The following BTF3L4 variants were observed in gnomAD, a reference collection of about 807,000 sequenced individuals.
BTF3L4 encodes transcription factor BTF3 homolog 4.
In BTF3L4, 6 loss-of-function variants were observed where a neutral mutation model predicts 16.8. The observed-to-expected ratio is 0.36, with a 90% CI of 0.20 to 0.71. The LOEUF (loss-of-function observed/expected upper bound fraction) is 0.71, where lower values mean the gene tolerates loss of function less well. BTF3L4 is among the 30% of genes least tolerant of loss of function. BTF3L4 has a pLI of 0.58. For synonymous variants in BTF3L4, 39 were observed against 59.8 expected (o/e 0.65, Z 1.60); for missense variants, 92 against 186.9 (o/e 0.49, Z 2.96).
chr1:52,086,650 C>G, intron 5 of BTF3L4, 62 bp from the exon 6 acceptor site: 1 of 1,050,280 alleles, frequency 9.5e-7, no homozygotes, highest in Non-Finnish European at 1.4e-6. Flanking sequence ...GTTAGGAGTT[C>G]CATTTACCTC....
At chr1:52,066,771 A>G (rs968029094) in intron 3 of BTF3L4, among the ~76,000 whole-genome samples, 25 of 151,726 alleles carry the variant, frequency 1.6e-4, no homozygotes, top group Non-Finnish European at 1.5e-5. Context: ...GAGTGAACCC[A>G]GGATGGGGAG....
chr1:52,064,433 T>TATCTTTAGA (rs1686594872), intron 2 of BTF3L4, among the ~76,000 whole-genome samples: 1 of 152,208 alleles, frequency 6.6e-6, no homozygotes, highest in African/African-American at 2.4e-5. Flanking sequence ...AATTTCAGAA[T>TATCTTTAGA]ATCTTTAGAC....
chr1:52,060,040 GT>G, intron 2 of BTF3L4, 139 bp downstream of exon 2: 2 of 778,408 alleles, frequency 2.6e-6, no homozygotes, highest in Admixed American at 3.2e-5. Context: ...AAAATAACTT[GT>G]CTAGATCTAA....
At chr1:52,076,028 A>G (rs529908849) in intron 3 of BTF3L4, among the ~76,000 whole-genome samples, 2 of 152,322 alleles carry the variant, frequency 1.3e-5, no homozygotes, top group East Asian at 1.9e-4. Context: ...AGAACTCTTC[A>G]TGCATTTTGT....
intron 3 of BTF3L4, among the ~76,000 whole-genome samples, chr1:52,073,497 C>CT (rs1686849712): frequency 8.5e-6 from 1 of 117,072 alleles, no homozygotes; most frequent in East Asian, 2.5e-4. Flanking sequence ...GCTACATACA[C>CT]ACACACACAC....
Position 52,064,912 on chromosome 1 carries a change from G to A in BTF3L4, c.142G>A (p.Val48Met), listed in dbSNP as rs1289762111. ...KLQSSLKKLAVNNIAGIEEVN... is the reference protein window; with the variant it reads ...KLQSSLKKLAMNNIAGIEEVN... Reference sequence around the variant, plus strand: ...TCAGAGTTCTCTAAAAAAACTGGCTGTGAATAATATAGCTGGTATTGAAGA... The same window carrying A: ...TCAGAGTTCTCTAAAAAAACTGGCTATGAATAATATAGCTGGTATTGAAGA... Residue 48 changes from valine to methionine, a missense_variant, in exon 3 of 6, where the codon GTG (valine) becomes ATG (methionine). Transcript: ENST00000313334. The A allele has an allele frequency of 3.7e-6, 6 of 1,612,218 alleles. No homozygotes were observed. In the Admixed American group the frequency reaches 1.0e-4, roughly 27 times the overall value.
intron 3 of BTF3L4, among the ~76,000 whole-genome samples, chr1:52,066,642 G>C (rs571457252): frequency 6.6e-6 from 1 of 151,104 alleles, no homozygotes; most frequent in African/African-American, 2.4e-5. Context: ...AGGGGATCGA[G>C]ACCATCCTGG....
At chr1:52,086,555 G>T in intron 5 of BTF3L4, 157 bp from the exon 6 acceptor site, 1 of 535,878 alleles carries the variant, frequency 1.9e-6, no homozygotes. Context: ...ATCATTGTTA[G>T]TAAAATGCCA....
At chr1:52,071,495 G>A (rs1558007041) in intron 3 of BTF3L4, among the ~76,000 whole-genome samples, 1 of 152,182 alleles carries the variant, frequency 6.6e-6, no homozygotes, top group South Asian at 2.1e-4. Context: ...ATGTTTATTC[G>A]TTGTTTCTAG....
chr1:52,064,775 C>A, intron 2 of BTF3L4, 50 bp from the exon 3 acceptor site: 1 of 1,133,264 alleles, frequency 8.8e-7, no homozygotes, highest in Non-Finnish European at 1.3e-6. Context: ...ATTGCAGTTG[C>A]CAGATGCCAG....
In BTF3L4 at chr1:52,090,416, C is replaced by A. The variant is rs1572036187; in HGVS notation, c.*3658C>A. 2 of 152,170 alleles carry A rather than the reference C, an allele frequency of 1.3e-5. No individual in the cohort carries two copies. The highest frequency in any genetic ancestry group is 2.9e-5 in the Non-Finnish European group (2 of 68,046). 9.4% of individuals were successfully genotyped at this position (152,170 alleles called of 1,614,324 possible). A position where few individuals can be genotyped will look rare whatever the true frequency, so the allele number is the denominator to read the frequency against. ...ATTTCAACCTGTGTTGAACAACACT[C>A]CAGTTCAGCCTGTATTGCTATGCCA... is the stretch of plus-strand genomic sequence containing the variant. On this transcript the variant is annotated 3_prime_UTR_variant, in exon 6 of 6. Coordinates refer to ENST00000313334, the MANE Select transcript of BTF3L4 (RefSeq NM_152265.5).
At chr1:52,083,633 C>A in intron 4 of BTF3L4, 92 bp downstream of exon 4, 2 of 1,000,664 alleles carry the variant, frequency 2.0e-6, no homozygotes, top group Non-Finnish European at 3.0e-6. Flanking sequence ...TTGGATTTGC[C>A]TGTATGTAAT....
chr1:52,066,506 C>A (rs1473381815), intron 3 of BTF3L4, among the ~76,000 whole-genome samples: 1 of 148,228 alleles, frequency 6.7e-6, no homozygotes, highest in East Asian at 2.2e-4. Flanking sequence ...CCAGCCAGTT[C>A]CATCTGTGAT....
In BTF3L4 at chr1:52,086,135, C is replaced by T. The variant is rs149878816; in HGVS notation, c.394C>T (p.Pro132Ser). ...AGTCTTGGACAGTAAAGCACCAAAACCAGAAGACATTGATGAGGAAGATGA... is the reference window on the plus strand; with the variant it reads ...AGTCTTGGACAGTAAAGCACCAAAATCAGAAGACATTGATGAGGAAGATGA... ...RQVLDSKAPK[P>S]EDIDEEDDDV... Residue 132 changes from proline to serine, a missense_variant, in exon 5 of 6, where the codon CCA (proline) becomes TCA (serine). Coordinates refer to ENST00000313334, the MANE Select transcript of BTF3L4 (RefSeq NM_152265.5). 5.6e-6 allele frequency: 9 copies of T among 1,609,908 alleles called. No individual in the cohort carries two copies. The highest frequency in any genetic ancestry group is 7.6e-6 in the Non-Finnish European group (9 of 1,178,132).
chr1:52,059,692 T>C, intron 1 of BTF3L4, 143 bp from the exon 2 acceptor site: 1 of 469,462 alleles, frequency 2.1e-6, no homozygotes, highest in South Asian at 5.0e-5. Context: ...TTATTAATGT[T>C]TATTAAGAAT....
At chr1:52,068,474 T>G (rs1206781103) in intron 3 of BTF3L4, among the ~76,000 whole-genome samples, 2 of 152,194 alleles carry the variant, frequency 1.3e-5, no homozygotes, top group African/African-American at 2.4e-5. Context: ...TTGAGTTGGT[T>G]GTTGTTGGTT....
rs1223544693 is a variant in BTF3L4, at chr1:52,087,115, A to G, written c.*357A>G. ...AGCAAATTGGAAAACAGTTCTATTT[A>G]TCCTCCTCCCTCCCCAGTAGAAATA... On this transcript the variant is annotated 3_prime_UTR_variant, in exon 6 of 6. Coordinates refer to ENST00000313334, the MANE Select transcript of BTF3L4 (RefSeq NM_152265.5). 1 of 176,806 alleles carries G rather than the reference A, an allele frequency of 5.7e-6. No homozygotes were observed. The highest frequency in any genetic ancestry group is 1.2e-5 in the Non-Finnish European group (1 of 84,428). The allele number at this position is 176,806 out of a possible 1,614,324, so 11.0% of individuals were successfully genotyped here. A position where few individuals can be genotyped will look rare whatever the true frequency, so the allele number is the denominator to read the frequency against.
intron 3 of BTF3L4, among the ~76,000 whole-genome samples, chr1:52,071,931 CTGTGTGTGTGTGTGTGTGTGTG>C (rs59491944): frequency 3.1e-5 from 4 of 127,970 alleles, no homozygotes; most frequent in Admixed American, 1.6e-4. Flanking sequence ...GTTTTTTACT[CTGTGTGTGTGTGTGTGTGTGTG>C]TGTGTGTGTG....
chr1:52,080,518 G>C (rs1396213946), intron 3 of BTF3L4, among the ~76,000 whole-genome samples: 1 of 99,280 alleles, frequency 1.0e-5, no homozygotes. Context: ...TGGTTTTTTG[G>C]GTTTTTTTTT....
Sources: gnomAD v4.1 joint callset for allele counts (sites outside exome capture counted in the v4.1 genomes callset) on GRCh38, gnomAD v4.1.1 for gene constraint, MANE v1.5 for transcripts, NCBI Gene and HGNC (gene_info 2026-07-23, HGNC 2026-07-21) for gene names.